The following TRIOBP variants were observed in gnomAD, a reference collection of about 807,000 sequenced individuals.
TRIOBP encodes the protein TRIO and F-actin binding protein.
TRIOBP carries 169 observed loss-of-function variants against 238.8 expected under a neutral mutation model. The ratio of observed to expected loss-of-function variants is 0.71; its 90% confidence interval spans 0.62 to 0.80. The LOEUF is 0.80. Among genes scored for constraint, TRIOBP ranks in the 30% least tolerant of loss-of-function variants. The pLI is 0.00. For missense variants in TRIOBP, 2,838 were observed against 3,122.6 expected (o/e 0.91, Z 2.17); for synonymous variants, 1,150 against 1,274.4 (o/e 0.90, Z 2.08).
In TRIOBP at chr22:37,710,499, C is replaced by G. The variant is rs749155376; in HGVS notation, c.187C>G (p.Pro63Ala). The G allele has an allele frequency of 5.6e-6, 9 of 1,612,492 alleles. No individual in the cohort carries two copies. The African/African-American group carries it at 1.1e-4, about 19-fold the overall frequency. Residue 63 changes from proline to alanine, a missense_variant, in exon 4 of 24, where the codon CCA becomes GCA. Pro to Ala is a conservative substitution (Grantham distance 27). This residue lies in a region of TRIOBP where 535 missense variants were observed against 537.3 expected (regional missense o/e 1.00). Transcript: ENST00000644935. ...LPRCPPAPED[P>A]LSASTSGCQS... is the part of the protein sequence containing the mutation. ...TCGATGTCCACCTGCCCCTGAGGAC[C>G]CACTCAGCGCCTCAACCTCCGGCTG...
chr22:37,763,268 G>A (rs554447120), intron 17 of TRIOBP, among the ~76,000 whole-genome samples: 8 of 152,324 alleles, frequency 5.3e-5, no homozygotes, highest in South Asian at 2.1e-4. Flanking sequence ...CCTGCTTTAC[G>A]GATGCCAAGA....
rs763925334 is a variant in TRIOBP at position 37,735,267 on chromosome 22, C to A, written c.4931C>A (p.Pro1644His). 3.1e-6 allele frequency: 5 copies of A among 1,609,252 alleles called. No individual in the cohort carries two copies. Among genetic ancestry groups the A allele is most frequent in the Non-Finnish European group, 4.2e-6 (5 of 1,176,536 alleles). Reference protein sequence around the residue: ...AEATPVNGHSPALQSQSPVQL... With the variant: ...AEATPVNGHSHALQSQSPVQL... ...GCCACCCCAGTCAATGGACACAGCC[C>A]CGCACTGCAGTCCCAGAGCCCGGTC... The change falls in exon 9 of 24, where the codon CCC (proline) becomes CAC (histidine). Residue 1644 changes from proline to histidine, a missense_variant. This residue lies in a region of TRIOBP where 2,096 missense variants were observed against 2,137.4 expected (regional missense o/e 0.98). Coordinates refer to ENST00000644935, the MANE Select transcript of TRIOBP (RefSeq NM_001039141.3).
At chr22:37,769,525 T>C in intron 21 of TRIOBP, 150 bp downstream of exon 21, 1 of 768,260 alleles carries the variant, frequency 1.3e-6, no homozygotes, top group Admixed American at 2.0e-5. Context: ...ACACCTACTG[T>C]GCATCCAGTA....
chr22:37,702,967 T>C lies in TRIOBP; in HGVS notation c.114+1488T>C, dbSNP rs146734719. 2.6e-5 allele frequency among the ~76,000 whole-genome samples: 4 copies of C among 152,208 alleles called. No individual in the cohort carries two copies. In the East Asian group the frequency reaches 7.7e-4, roughly 29 times the overall value. ...CTCAAGATTTTCTTCTTCAAGTTAT[T>C]GAAGGAGTGAAGAAGAATCCTTTTT... On this transcript the variant is annotated intron_variant, in intron 3 of 23. Transcript: ENST00000644935.
At chr22:37,732,211 G>A (rs558928683) in intron 7 of TRIOBP, among the ~76,000 whole-genome samples, 1 of 152,258 alleles carries the variant, frequency 6.6e-6, no homozygotes, top group East Asian at 1.9e-4. Context: ...CCTGTCAATA[G>A]AGATACCACG....
intron 3 of TRIOBP, among the ~76,000 whole-genome samples, chr22:37,709,707 G>A (rs145968760): frequency 2.0e-5 from 3 of 152,162 alleles, no homozygotes; most frequent in Admixed American, 6.5e-5. Context: ...GTGAGCAGCC[G>A]TTCCCCCCTG....
intron 11 of TRIOBP, among the ~76,000 whole-genome samples, chr22:37,746,060 T>TCCCGCCGTCCCGCCGC (rs1555898797): frequency 5.0e-4 from 65 of 128,824 alleles, no homozygotes; most frequent in East Asian, 1.1e-3. Flanking sequence ...CGTCCCGCCG[T>TCCCGCCGTCCCGCCGC]CCCGCCGCCC....
rs765096653 is a variant in TRIOBP at position 37,723,563 on chromosome 22, A to C, written c.1007A>C (p.Gln336Pro). The change falls in exon 7 of 24, where the codon CAG becomes CCG. Residue 336 changes from glutamine (Q) to proline (P), a missense_variant. Around this residue, in one of 5 missense-constraint regions of TRIOBP, gnomAD observed 535 missense variants for 537.3 expected, o/e 1.00. Coordinates refer to ENST00000644935, the MANE Select transcript of TRIOBP (RefSeq NM_001039141.3). ...GACACCCCCAGGGCCTCATCTACAC[A>C]GTGGAACACCCCCAGAGCTTCCTCT... ...QEDTPRASST[Q>P]WNTPRASSPS... The C allele has an allele frequency of 3.1e-6, 5 of 1,613,864 alleles. No homozygotes were observed. The highest frequency in any genetic ancestry group is 1.1e-5 in the South Asian group (1 of 91,058).
chr22:37,751,749 C>T, intron 11 of TRIOBP, 23 bp from the exon 12 acceptor site: 2 of 1,614,086 alleles, frequency 1.2e-6, no homozygotes, highest in Non-Finnish European at 1.7e-6. Flanking sequence ...ACCCAACTCA[C>T]CTCCCTCCTC....
At chr22:37,765,847 T>TGGGCTCTG in intron 18 of TRIOBP, 30 bp downstream of exon 18, 1 of 1,577,398 alleles carries the variant, frequency 6.3e-7, no homozygotes, top group Non-Finnish European at 8.6e-7. Context: ...CACAGTGGGC[T>TGGGCTCTG]GGGCTCTGAG....
chr22:37,759,530 G>C, intron 17 of TRIOBP: 1 of 1,604,532 alleles, frequency 6.2e-7, no homozygotes, highest in Non-Finnish European at 8.5e-7. Context: ...GGATTTGAGC[G>C]AGGGTCCGGC....
At chr22:37,770,036 T>C (rs1301045718) in intron 21 of TRIOBP, among the ~76,000 whole-genome samples, 1 of 150,882 alleles carries the variant, frequency 6.6e-6, no homozygotes, top group African/African-American at 2.4e-5. Context: ...CCTTAGTATT[T>C]ATTTCTTTAC....
rs1927039157 is a variant in TRIOBP at position 37,776,507 on chromosome 22, A to G, written c.*2727A>G. ...GTAATACTCACATCAGCAAATAAAC[A>G]ATACAGCTGTGTGTCAGTAGTAGAA... On this transcript the variant is annotated 3_prime_UTR_variant, in exon 24 of 24. Coordinates refer to ENST00000644935, the MANE Select transcript of TRIOBP (RefSeq NM_001039141.3). 6.6e-6 allele frequency: 1 copy of G among 152,016 alleles called. No homozygotes were observed. The highest frequency in any genetic ancestry group is 6.6e-5 in the Admixed American group (1 of 15,258). 9.4% of individuals were successfully genotyped at this position (152,016 alleles called of 1,614,324 possible).
intron 17 of TRIOBP, chr22:37,759,706 G>T (rs975509129): frequency 2.5e-4 from 381 of 1,496,918 alleles, no homozygotes; most frequent in Non-Finnish European, 3.3e-4. Context: ...GCAGGACAGG[G>T]GAGCCTCCAG....
At chr22:37,728,261 C>CAAAA (rs67412135) in intron 7 of TRIOBP, among the ~76,000 whole-genome samples, 1 of 77,978 alleles carries the variant, frequency 1.3e-5, no homozygotes, top group African/African-American at 5.2e-5. Context: ...GACTCCGTCT[C>CAAAA]AAAAAAAAAA....
chr22:37,759,062 C>T lies in TRIOBP; in HGVS notation c.6214-92C>T, dbSNP rs566835455. 9.5e-4 allele frequency: 994 copies of T among 1,043,070 alleles called. 2 individuals carry two copies. Among genetic ancestry groups the T allele is most frequent in the Non-Finnish European group, 1.2e-3 (846 of 688,540 alleles). The allele number at this position is 1,043,070 out of a possible 1,614,324, so 64.6% of individuals were successfully genotyped here. A position where few individuals can be genotyped will look rare whatever the true frequency, so the allele number is the denominator to read the frequency against. On this transcript the variant is annotated intron_variant, in intron 16 of 23. Coordinates refer to ENST00000644935, the MANE Select transcript of TRIOBP (RefSeq NM_001039141.3). Reference sequence around the variant, plus strand: ...CTTCCAGGGACGCTGGGCTTGTATCCGTGTGGAGCTGGAAGCCTGCGGGCT... The same window carrying T: ...CTTCCAGGGACGCTGGGCTTGTATCTGTGTGGAGCTGGAAGCCTGCGGGCT...
At chr22:37,702,634 C>CTT (rs34625454) in intron 3 of TRIOBP, among the ~76,000 whole-genome samples, 3,253 of 81,104 alleles carry the variant, frequency 0.04, 251 homozygotes, top group African/African-American at 0.14. Context: ...TTCTCTCTCT[C>CTT]TTTTTTTTTT....
Position 37,724,548 on chromosome 22 carries a change from C to A in TRIOBP, c.1992C>A (p.Asn664Lys), listed in dbSNP as rs749201206. ...ACGATCCCAGAGCCTCCTCTCCTAA[C>A]AGAACCATCCAACAAGAGAACCCCA... is the stretch of plus-strand genomic sequence containing the variant. ...RRDDPRASSP[N>K]RTIQQENPRT... Residue 664 changes from asparagine to lysine, a missense_variant, in exon 7 of 24, where the codon AAC (asparagine) becomes AAA (lysine). Coordinates refer to ENST00000644935, the MANE Select transcript of TRIOBP (RefSeq NM_001039141.3). 1.9e-6 allele frequency: 3 copies of A among 1,600,222 alleles called. No individual in the cohort carries two copies. The South Asian group carries it at 3.4e-5, about 18-fold the overall frequency.
rs1427161894 is a variant in TRIOBP, at chr22:37,735,269, G to T, written c.4933G>T (p.Ala1645Ser). Reference sequence around the variant, plus strand: ...CACCCCAGTCAATGGACACAGCCCCGCACTGCAGTCCCAGAGCCCGGTCCA... The same window carrying T: ...CACCCCAGTCAATGGACACAGCCCCTCACTGCAGTCCCAGAGCCCGGTCCA... ...EATPVNGHSP[A>S]LQSQSPVQLP... Residue 1645 changes from alanine to serine, a missense_variant, in exon 9 of 24, where the codon GCA becomes TCA. Around this residue, in one of 5 missense-constraint regions of TRIOBP, gnomAD observed 2,096 missense variants for 2,137.4 expected, o/e 0.98. Transcript: ENST00000644935. 1.9e-6 allele frequency: 3 copies of T among 1,609,124 alleles called. No individual in the cohort carries two copies. Among genetic ancestry groups the T allele is most frequent in the Non-Finnish European group, 1.7e-6 (2 of 1,176,466 alleles).
Sources: gnomAD v4.1 joint callset for allele counts (sites outside exome capture counted in the v4.1 genomes callset) on GRCh38, gnomAD v4.1.1 for gene constraint, gnomAD v4.1.1 regional missense constraint, MANE v1.5 for transcripts, NCBI Gene and HGNC (gene_info 2026-07-23, HGNC 2026-07-21) for gene names.